FBXW4: variants seen among roughly 807,000 people sequenced by gnomAD.
FBXW4 encodes the protein F-box/WD repeat-containing protein 4.
In FBXW4, 40 loss-of-function variants were observed where a neutral mutation model predicts 61.8. The observed-to-expected ratio is 0.65, with a 90% confidence interval of 0.50 to 0.84. FBXW4 has a LOEUF of 0.84. Among genes scored for constraint, FBXW4 ranks in the 40% least tolerant of loss-of-function variants. The pLI, the probability that FBXW4 is intolerant of heterozygous loss-of-function variation, is 0.00. For missense variants in FBXW4, 672 were observed against 753.8 expected (o/e 0.89, Z 1.27); for synonymous variants, 311 against 313.8 (o/e 0.99, Z 0.10).
chr10:101,656,827 C>A (rs6584439), intron 5 of FBXW4, among the ~76,000 whole-genome samples: 1 of 152,132 alleles, frequency 6.6e-6, no homozygotes. Context: ...CTATAAGGTT[C>A]TCTCTTGTTA....
chr10:101,623,400 A>C (rs2063883459), intron 6 of FBXW4, among the ~76,000 whole-genome samples: 1 of 152,170 alleles, frequency 6.6e-6, no homozygotes, highest in Non-Finnish European at 1.5e-5. Context: ...ACATAAATAA[A>C]TATAGATTTT....
At position 101,694,731 on chromosome 10, in the gene FBXW4, G is replaced by C; in HGVS notation, c.375C>G (p.Val125=). The change falls in exon 1 of 9, where the codon GTC becomes GTG. Residue 125 remains valine, a synonymous_variant. Transcript: ENST00000331272. This position sits in a 1 kb window ranked among gnomAD's most constrained non-coding sequence, Gnocchi z 6.0. The stretch of plus-strand genomic sequence containing the variant: ...TGGCGCCCTCCCGCCGCCTAGCCCT[G>C]ACCCTCCATTCCTCCTTCTTCCCAT... ...REYGKKEEWR[V]RARRREGARP... The C allele has an allele frequency of 7.3e-7, 1 of 1,371,454 alleles. No homozygotes were observed. Among genetic ancestry groups the C allele is most frequent in the Admixed American group, 3.9e-5 (1 of 25,662 alleles). The allele number at this position is 1,371,454 out of a possible 1,614,324, so 85.0% of individuals were successfully genotyped here.
At chr10:101,647,481 A>G (rs897576163) in intron 5 of FBXW4, among the ~76,000 whole-genome samples, 2 of 152,198 alleles carry the variant, frequency 1.3e-5, no homozygotes, top group Non-Finnish European at 2.9e-5. Context: ...CCTCAAGTGT[A>G]GTTCCACCCA....
At chr10:101,636,126 G>C (rs957523750) in intron 5 of FBXW4, among the ~76,000 whole-genome samples, 12 of 152,112 alleles carry the variant, frequency 7.9e-5, no homozygotes, top group Non-Finnish European at 7.4e-5. Flanking sequence ...GAGGTGGGCG[G>C]ATCAGTTGAG....
At chr10:101,665,300 G>C (rs2064287502) in intron 5 of FBXW4, among the ~76,000 whole-genome samples, 1 of 152,136 alleles carries the variant, frequency 6.6e-6, no homozygotes, top group Admixed American at 6.5e-5. Flanking sequence ...CTCAATTCTG[G>C]AGTTAGGGGA....
At chr10:101,612,282 G>A in intron 7 of FBXW4, 55 bp downstream of exon 7, 2 of 1,460,700 alleles carry the variant, frequency 1.4e-6, no homozygotes, top group Non-Finnish European at 1.8e-6. Context: ...CTGGAGGAAG[G>A]ACCAGGATTG....
intron 6 of FBXW4, among the ~76,000 whole-genome samples, chr10:101,617,063 C>G (rs2063830852): frequency 6.6e-6 from 1 of 152,156 alleles, no homozygotes; most frequent in African/African-American, 2.4e-5. Context: ...GCTTAGGTTA[C>G]CTGGTGGCAG....
At chr10:101,640,656 T>A (rs941634153) in intron 5 of FBXW4, among the ~76,000 whole-genome samples, 2 of 144,720 alleles carry the variant, frequency 1.4e-5, no homozygotes, top group African/African-American at 5.2e-5. Flanking sequence ...CATCCCCAGC[T>A]AATTTTTTTT....
chr10:101,676,500 T>C, intron 1 of FBXW4, 64 bp from the exon 2 acceptor site: 1 of 1,329,768 alleles, frequency 7.5e-7, no homozygotes, highest in Non-Finnish European at 1.1e-6. Flanking sequence ...GAAAATTTCA[T>C]GGGCTTACTG....
At chr10:101,619,722 C>T (rs866383701) in intron 6 of FBXW4, among the ~76,000 whole-genome samples, 25 of 152,118 alleles carry the variant, frequency 1.6e-4, no homozygotes, top group South Asian at 6.2e-4. Context: ...ATTTAGGCAA[C>T]GGCTGTGTGC....
intron 6 of FBXW4, 38 bp downstream of exon 6, chr10:101,624,707 C>G: frequency 6.2e-7 from 1 of 1,611,750 alleles, no homozygotes; most frequent in Non-Finnish European, 8.5e-7. Flanking sequence ...CCCTCACCTC[C>G]TGGACTGGAA....
intron 5 of FBXW4, among the ~76,000 whole-genome samples, chr10:101,665,160 A>G (rs190212311): frequency 2.5e-4 from 38 of 152,274 alleles, no homozygotes; most frequent in African/African-American, 8.9e-4. Context: ...TAATGAGGTA[A>G]AAAGACCCTA....
At chr10:101,684,210 G>A (rs767476804) in intron 1 of FBXW4, among the ~76,000 whole-genome samples, 7 of 152,042 alleles carry the variant, frequency 4.6e-5, no homozygotes, top group South Asian at 4.1e-4. Context: ...TGCAACCTCC[G>A]CCTCCCAGGT....
At chr10:101,622,260 C>A (rs1174275745) in intron 6 of FBXW4, among the ~76,000 whole-genome samples, 1 of 152,006 alleles carries the variant, frequency 6.6e-6, no homozygotes, top group Non-Finnish European at 1.5e-5. Context: ...AGAGCATCTT[C>A]GCCAGTGCTG....
intron 5 of FBXW4, among the ~76,000 whole-genome samples, chr10:101,633,443 G>C (rs1333773014): frequency 2.0e-5 from 3 of 152,150 alleles, no homozygotes; most frequent in Non-Finnish European, 2.9e-5. Flanking sequence ...ACCAGGGCCT[G>C]TTAGGGGGTA....
At chr10:101,677,787 A>G (rs1428814785) in intron 1 of FBXW4, among the ~76,000 whole-genome samples, 1 of 142,410 alleles carries the variant, frequency 7.0e-6, no homozygotes, top group Non-Finnish European at 1.5e-5. Flanking sequence ...CTCCCTCTCT[A>G]AAAAAAAAAA....
In FBXW4 at chr10:101,694,291, C is replaced by G. The variant is rs1255984802; in HGVS notation, c.725+90G>C. 1 of 1,256,024 alleles carries G rather than the reference C, an allele frequency of 8.0e-7. No homozygotes were observed. The highest frequency in any genetic ancestry group is 3.2e-5 in the East Asian group (1 of 31,462). The allele number at this position is 1,256,024 out of a possible 1,614,324, so 77.8% of individuals were successfully genotyped here. A position where few individuals can be genotyped will look rare whatever the true frequency, so the allele number is the denominator to read the frequency against. ...CCTAGAAACTCGGGGTGCGACACGACCCTGGGCCGACCAGGCCGCGGCGCC... is the reference window on the plus strand; with the variant it reads ...CCTAGAAACTCGGGGTGCGACACGAGCCTGGGCCGACCAGGCCGCGGCGCC... On this transcript the variant is annotated intron_variant, in intron 1 of 8. Coordinates refer to ENST00000331272, the MANE Select transcript of FBXW4 (RefSeq NM_022039.4). This position sits in a 1 kb window ranked among gnomAD's most constrained non-coding sequence, Gnocchi z 6.0.
intron 1 of FBXW4, among the ~76,000 whole-genome samples, chr10:101,689,891 T>C (rs1374955622): frequency 1.3e-5 from 2 of 152,184 alleles, no homozygotes; most frequent in African/African-American, 2.4e-5. Context: ...CAGGAATGAA[T>C]GTACATGCCA....
chr10:101,633,472 A>G (rs976089477), intron 5 of FBXW4, among the ~76,000 whole-genome samples: 1 of 152,182 alleles, frequency 6.6e-6, no homozygotes, highest in African/African-American at 2.4e-5. Flanking sequence ...GGGGAGGGAT[A>G]GCATTAGGAG....
Sources: gnomAD v4.1 joint callset for allele counts (sites outside exome capture counted in the v4.1 genomes callset) on GRCh38, gnomAD v4.1.1 for gene constraint, Gnocchi (gnomAD v3.1) non-coding constraint, MANE v1.5 for transcripts, NCBI Gene and HGNC (gene_info 2026-07-23, HGNC 2026-07-21) for gene names.